The following TSHZ2 variants were observed in gnomAD, a reference collection of about 807,000 sequenced individuals.
TSHZ2 encodes the protein teashirt homolog 2.
In TSHZ2, 21 loss-of-function variants were observed where a neutral mutation model predicts 74.4. The ratio of observed to expected loss-of-function variants is 0.28; its 90% CI spans 0.20 to 0.41. The LOEUF is 0.41. TSHZ2 is among the 10% of genes least tolerant of loss of function. The pLI is 1.00. For missense variants in TSHZ2, 1,244 were observed against 1,293.5 expected, an observed-to-expected ratio of 0.96 and a Z score of 0.59; for synonymous variants, 540 against 515.3, an observed-to-expected ratio of 1.05 and a Z score of -0.65.
rs540236439 is a variant in TSHZ2 at position 53,466,999 on chromosome 20, G to A, written c.*9-20145G>A. On this transcript the variant is annotated intron_variant, in intron 2 of 2. Coordinates refer to ENST00000371497, the MANE Select transcript of TSHZ2 (RefSeq NM_173485.6). Reference sequence around the variant, plus strand: ...AGCCCAAAGGCTGGCTCTCCCACTTGCTAACTATCTGATCTTGATTACATT... The same window carrying A: ...AGCCCAAAGGCTGGCTCTCCCACTTACTAACTATCTGATCTTGATTACATT... 2.6e-4 allele frequency among the ~76,000 whole-genome samples: 39 copies of A among 152,316 alleles called. No individual in the cohort carries two copies. The East Asian group carries it at 6.4e-3, about 25-fold the overall frequency.
At chr20:53,396,996 A>G (rs1982474100) in intron 2 of TSHZ2, among the ~76,000 whole-genome samples, 1 of 152,202 alleles carries the variant, frequency 6.6e-6, no homozygotes, top group East Asian at 1.9e-4. Context: ...AAAGACTTAA[A>G]TGTTAGACCT....
intron 2 of TSHZ2, among the ~76,000 whole-genome samples, chr20:53,463,346 T>C (rs930883782): frequency 3.6e-5 from 5 of 139,484 alleles, no homozygotes; most frequent in South Asian, 2.2e-4. Flanking sequence ...CCTGGCAACA[T>C]AGGGAGACCC....
chr20:53,080,329 G>GT (rs1401677067), intron 1 of TSHZ2, among the ~76,000 whole-genome samples: 1 of 152,140 alleles, frequency 6.6e-6, no homozygotes, highest in African/African-American at 2.4e-5. Context: ...GAAGAGGATG[G>GT]TATTTCCTGG....
chr20:52,996,703 C>G (rs1982208333), intron 1 of TSHZ2, among the ~76,000 whole-genome samples: 1 of 152,146 alleles, frequency 6.6e-6, no homozygotes, highest in Non-Finnish European at 1.5e-5. Context: ...AGTTTATTCT[C>G]TTGCATAGTG....
At chr20:53,395,663 T>C (rs1230140514) in intron 2 of TSHZ2, among the ~76,000 whole-genome samples, 2 of 152,224 alleles carry the variant, frequency 1.3e-5, no homozygotes, top group Admixed American at 6.5e-5. Context: ...AATCTGAAAT[T>C]GGTCCAAGAG....
At chr20:53,341,278 G>T (rs1980190828) in intron 2 of TSHZ2, among the ~76,000 whole-genome samples, 1 of 152,096 alleles carries the variant, frequency 6.6e-6, no homozygotes, top group African/African-American at 2.4e-5. Flanking sequence ...TCACCACCAG[G>T]GAACGAATAC....
chr20:53,043,885 T>C lies in TSHZ2; in HGVS notation c.40+70552T>C, dbSNP rs770419745. 1.9e-4 allele frequency among the ~76,000 whole-genome samples: 29 copies of C among 152,148 alleles called. 1 individual carries two copies. The highest frequency in any genetic ancestry group is 1.0e-4 in the Non-Finnish European group (7 of 68,020). On this transcript the variant is annotated intron_variant, in intron 1 of 2. Coordinates refer to ENST00000371497, the MANE Select transcript of TSHZ2 (RefSeq NM_173485.6). Reference sequence around the variant, plus strand: ...TTTAATAGTTTCTGGAAATATTAAATTGCTTAATCTCAAACATCTGTACTT... The same window carrying C: ...TTTAATAGTTTCTGGAAATATTAAACTGCTTAATCTCAAACATCTGTACTT...
intron 2 of TSHZ2, among the ~76,000 whole-genome samples, chr20:53,469,084 T>TATATATATATATATATATAC (rs1351403317): frequency 1.1e-4 from 14 of 132,344 alleles, no homozygotes; most frequent in African/African-American, 3.3e-4. Flanking sequence ...TATATATATA[T>TATATATATATATATATATAC]GTACATATTC....
chr20:53,418,765 G>C (rs1048282130), intron 2 of TSHZ2, among the ~76,000 whole-genome samples: 2 of 152,044 alleles, frequency 1.3e-5, no homozygotes, highest in African/African-American at 2.4e-5. Context: ...AGACTCCCAG[G>C]TTCTCAATAA....
chr20:53,288,363 C>G (rs1285480362), intron 2 of TSHZ2, among the ~76,000 whole-genome samples: 1 of 150,786 alleles, frequency 6.6e-6, no homozygotes, highest in Non-Finnish European at 1.5e-5. Context: ...GAGATCACAC[C>G]ACTGCACACT....
rs114212039 is a variant in TSHZ2 at position 53,143,273 on chromosome 20, G to A, written c.41-110226G>A. ...CGTTTACTAAATTCTGATATTCACA[G>A]TTTCCTATGTGGAAACTTCTGAAAA... On this transcript the variant is annotated intron_variant, in intron 1 of 2. Transcript: ENST00000371497. 9.2e-3 allele frequency among the ~76,000 whole-genome samples: 1,401 copies of A among 152,272 alleles called. 26 individuals carry two copies. Among genetic ancestry groups the A allele is most frequent in the African/African-American group, 0.032 (1,310 of 41,532 alleles).
intron 2 of TSHZ2, among the ~76,000 whole-genome samples, chr20:53,271,004 C>A (rs1411631968): frequency 6.6e-6 from 1 of 152,160 alleles, no homozygotes; most frequent in African/African-American, 2.4e-5. Flanking sequence ...GGAGATGGGT[C>A]CCTATTGGAT....
intron 2 of TSHZ2, among the ~76,000 whole-genome samples, chr20:53,485,054 A>T (rs1986257582): frequency 6.6e-6 from 1 of 152,234 alleles, no homozygotes; most frequent in South Asian, 2.1e-4. Context: ...CATGCTTTCC[A>T]CACAGTAATC....
intron 1 of TSHZ2, among the ~76,000 whole-genome samples, chr20:53,185,001 A>T (rs536184134): frequency 6.6e-6 from 1 of 152,320 alleles, no homozygotes; most frequent in South Asian, 2.1e-4. Context: ...AAATATTCAG[A>T]CCATAATCAT....
At position 53,320,047 on chromosome 20, in the gene TSHZ2, A is replaced by G. The variant is rs544288083; in HGVS notation, c.*8+63476A>G. ...CCATCAACCTAAACCTCAATGGCCA[A>G]GCATCTTTCTGAGCCTATGCACTAC... is the stretch of plus-strand genomic sequence containing the variant. On this transcript the variant is annotated intron_variant, in intron 2 of 2. Coordinates refer to ENST00000371497, the MANE Select transcript of TSHZ2 (RefSeq NM_173485.6). Among the ~76,000 whole-genome samples the G allele has an allele frequency of 2.0e-5, 3 of 152,324 alleles. No homozygotes were observed. The East Asian group carries it at 5.8e-4, about 29-fold the overall frequency.
intron 2 of TSHZ2, among the ~76,000 whole-genome samples, chr20:53,417,104 T>C (rs1354264096): frequency 6.6e-6 from 1 of 152,138 alleles, no homozygotes; most frequent in South Asian, 2.1e-4. Context: ...TGCATGACTC[T>C]CAAAGCTGTC....
intron 1 of TSHZ2, among the ~76,000 whole-genome samples, chr20:53,016,348 A>G (rs956963310): frequency 1.1e-4 from 17 of 152,212 alleles, no homozygotes; most frequent in African/African-American, 3.4e-4. Context: ...AAACAGTTTC[A>G]AAAGAACAAG....
chr20:53,082,616 C>G (rs1051829541), intron 1 of TSHZ2, among the ~76,000 whole-genome samples: 9 of 152,210 alleles, frequency 5.9e-5, no homozygotes, highest in African/African-American at 2.2e-4. Context: ...TAAAGCCTTT[C>G]AAAGGACTTC....
intron 2 of TSHZ2, among the ~76,000 whole-genome samples, chr20:53,289,728 G>A (rs575429479): frequency 6.6e-6 from 1 of 152,268 alleles, no homozygotes; most frequent in South Asian, 2.1e-4. Context: ...AATCAAAAAA[G>A]GAAGACATGC....
Sources: allele counts gnomAD v4.1 joint callset (sites outside exome capture counted in the v4.1 genomes callset), GRCh38; gene constraint gnomAD v4.1.1; transcripts MANE v1.5; gene names NCBI Gene and HGNC (gene_info 2026-07-23, HGNC 2026-07-21).